Variants in ABCA1 observed in about 807,000 individuals in gnomAD.
ABCA1 encodes ATP binding cassette subfamily A member 1, also known as phospholipid-transporting ATPase ABCA1.
A neutral mutation model predicts 262.5 loss-of-function variants in ABCA1; 133 were observed. That is an observed-to-expected ratio of 0.51 (90% CI 0.44 to 0.59). ABCA1 has a LOEUF of 0.59. Among genes scored for constraint, ABCA1 ranks in the 20% least tolerant of loss-of-function variants. ABCA1 has a pLI of 0.00. For missense variants in ABCA1, 2,452 were observed against 2,777.5 expected (o/e 0.88, Z 2.63); for synonymous variants, 1,022 against 1,043.5 (o/e 0.98, Z 0.40).
rs779927521 is a variant in ABCA1 at position 104,794,444 on chromosome 9, G to A, written c.5449C>T (p.Arg1817Ter). Residue 1817 changes from arginine to a stop codon, truncating the protein, a stop_gained, in exon 40 of 50, where the codon CGA (arginine) becomes TGA (stop). Coordinates refer to ENST00000374736, the MANE Select transcript of ABCA1 (RefSeq NM_005502.4). LOFTEE classifies it high-confidence loss of function. ...FLIFPHFCLG[R>*]GLIDMVKNQA... ...TTTTTCACCATGTCGATGAGCCCTC[G>A]TCCCAGGCAAAAATGTGGGAAGATC... is the stretch of plus-strand genomic sequence containing the variant. 3.7e-6 allele frequency: 6 copies of A among 1,602,350 alleles called. No individual in the cohort carries two copies. Among genetic ancestry groups the A allele is most frequent in the Admixed American group, 1.7e-5 (1 of 58,908 alleles).
At chr9:104,812,499 T>C in intron 28 of ABCA1, 75 bp downstream of exon 28, 1 of 1,588,540 alleles carries the variant, frequency 6.3e-7, no homozygotes, top group Non-Finnish European at 8.6e-7. Context: ...CAGGATGCTA[T>C]CCTGCCTTCA....
chr9:104,844,131 C>T (rs1834646187), intron 8 of ABCA1, among the ~76,000 whole-genome samples: 1 of 151,870 alleles, frequency 6.6e-6, no homozygotes, highest in African/African-American at 2.4e-5. Context: ...TTTGCTTTCT[C>T]TAAGGCCAGA....
chr9:104,911,013 T>C lies in ABCA1; in HGVS notation c.-92-7242A>G, dbSNP rs141697343. ...TGAGCTACCATGCCCGGCCTCAGTA[T>C]CTCTCTTGATGAGGTTGCTTCTAGA... On this transcript the variant is annotated intron_variant, in intron 1 of 49. Transcript: ENST00000374736. 7.1e-3 allele frequency among the ~76,000 whole-genome samples: 1,078 copies of C among 152,288 alleles called. 9 individuals are homozygous for C. The highest frequency in any genetic ancestry group is 0.014 in the South Asian group (70 of 4,828).
chr9:104,818,949 C>T, intron 22 of ABCA1, 66 bp from the exon 23 acceptor site: 1 of 1,432,346 alleles, frequency 7.0e-7, no homozygotes, highest in Non-Finnish European at 9.7e-7. Context: ...GTCACAGTGA[C>T]AGGGACTAGA....
chr9:104,920,652 C>T (rs547985667), intron 1 of ABCA1, among the ~76,000 whole-genome samples: 1 of 152,244 alleles, frequency 6.6e-6, no homozygotes, highest in Admixed American at 6.5e-5. Flanking sequence ...GCTGGGATTA[C>T]AGGCTTGCAC....
Position 104,839,270 on chromosome 9 carries a change from ATGTC to A in ABCA1, c.1054+1005_1054+1008del, listed in dbSNP as rs561524548. On this transcript the variant is annotated intron_variant, in intron 9 of 49. Transcript: ENST00000374736. ...GAATGGGAAACAAAGGGCAGATCAA[ATGTC>A]TGAGTGTGAGAACACACACGCCACC... is the stretch of plus-strand genomic sequence containing the variant. Among the ~76,000 whole-genome samples, 11 of 152,262 alleles carry A rather than the reference ATGTC, an allele frequency of 7.2e-5. No homozygotes were observed. The South Asian group carries it at 2.3e-3, about 32-fold the overall frequency.
chr9:104,924,860 G>C (rs909705174), intron 1 of ABCA1, among the ~76,000 whole-genome samples: 7 of 152,026 alleles, frequency 4.6e-5, no homozygotes, highest in Non-Finnish European at 1.0e-4. Context: ...AATTTAAATG[G>C]AAAAATATCC....
intron 2 of ABCA1, among the ~76,000 whole-genome samples, chr9:104,895,443 C>T (rs1840108638): frequency 6.6e-6 from 1 of 150,730 alleles, no homozygotes; most frequent in Admixed American, 6.6e-5. Flanking sequence ...AATATCAGCA[C>T]ATACATTCCC....
rs762280176 is a variant in ABCA1 at position 104,837,072 on chromosome 9, C to G, written c.1219G>C (p.Ala407Pro). Residue 407 changes from alanine to proline, a missense_variant, in exon 11 of 50, where the codon GCT (alanine) becomes CCT (proline). Coordinates refer to ENST00000374736, the MANE Select transcript of ABCA1 (RefSeq NM_005502.4). ...ATGCCTTCCAGATCATGGAACACAG[C>G]CAGTTCCTGGAAGGTCTTGTTCACC... ...AEVNKTFQEL[A>P]VFHDLEGMWE... 1.2e-6 allele frequency: 2 copies of G among 1,613,708 alleles called. No homozygotes were observed. Among genetic ancestry groups the G allele is most frequent in the South Asian group, 1.1e-5 (1 of 91,050 alleles).
At position 104,816,337 on chromosome 9, in the gene ABCA1, C is replaced by T. The variant is rs143180998; in HGVS notation, c.3544G>A (p.Ala1182Thr). The change falls in exon 25 of 50, where the codon GCT becomes ACT. Residue 1182 changes from alanine (A) to threonine (T), a missense_variant. Coordinates refer to ENST00000374736, the MANE Select transcript of ABCA1 (RefSeq NM_005502.4). ...ESDTLTIDVS[A>T]ISNLIRKHVS... ...TGCTTCCTGATGAGGTTGGAGATAG[C>T]AGAGACATCTGCAGGGACCAGAATG... The T allele has an allele frequency of 8.5e-4, 1,379 of 1,613,722 alleles. No homozygotes were observed. Among genetic ancestry groups the T allele is most frequent in the Non-Finnish European group, 1.1e-3 (1,260 of 1,179,992 alleles).
At chr9:104,820,189 C>CT in intron 20 of ABCA1, 120 bp from the exon 21 acceptor site, 2 of 1,280,348 alleles carry the variant, frequency 1.6e-6, no homozygotes, top group Non-Finnish European at 1.1e-6. Context: ...TTTAAAATAA[C>CT]TTTATCAATT....
At position 104,784,342 on chromosome 9, in the gene ABCA1, A is replaced by G; in HGVS notation, c.6759T>C (p.Asp2253=). Residue 2253 remains aspartate (D), a synonymous_variant, in exon 50 of 50, where the codon GAT becomes GAC. Transcript: ENST00000374736. ...ATACATAGCTTTCTTTCACTTTCTC[A>G]TCCTGTAGAAAAGATGTGAGAACTG... ...DVAVLTSFLQ[D]EKVKESYV 2 of 1,614,020 alleles carry G rather than the reference A, an allele frequency of 1.2e-6. No individual in the cohort carries two copies. The highest frequency in any genetic ancestry group is 1.7e-6 in the Non-Finnish European group (2 of 1,179,986).
chr9:104,813,972 T>C, intron 27 of ABCA1, 146 bp downstream of exon 27: 2 of 786,392 alleles, frequency 2.5e-6, no homozygotes, highest in Non-Finnish European at 4.3e-6. Context: ...AAAGAACAAG[T>C]GGCTTTTACC....
intron 9 of ABCA1, among the ~76,000 whole-genome samples, chr9:104,839,525 T>TTGC (rs1415411605): frequency 6.6e-6 from 1 of 152,094 alleles, no homozygotes; most frequent in African/African-American, 2.4e-5. Context: ...TAGTTCTTTG[T>TTGC]TGTTGTTGTT....
chr9:104,794,203 TG>T (rs2118868452), intron 40 of ABCA1, among the ~76,000 whole-genome samples, 183 bp downstream of exon 40: 1 of 152,296 alleles, frequency 6.6e-6, no homozygotes, highest in Admixed American at 6.5e-5. Context: ...CACAGACAAA[TG>T]GTTGTGTCAC....
chr9:104,835,237 G>C (rs1833705457), intron 11 of ABCA1, among the ~76,000 whole-genome samples: 2 of 140,146 alleles, frequency 1.4e-5, no homozygotes, highest in East Asian at 5.2e-4. Flanking sequence ...GACAGAGCAA[G>C]ACTCTGTCCA....
chr9:104,896,214 A>C (rs989170576), intron 2 of ABCA1, among the ~76,000 whole-genome samples: 19 of 152,230 alleles, frequency 1.2e-4, no homozygotes, highest in African/African-American at 4.6e-4. Context: ...CATTGCTATT[A>C]GTCTCTGAAA....
intron 7 of ABCA1, among the ~76,000 whole-genome samples, chr9:104,846,434 A>G (rs1834890700): frequency 6.6e-6 from 1 of 152,248 alleles, no homozygotes; most frequent in Non-Finnish European, 1.5e-5. Flanking sequence ...CATATCAGAC[A>G]TCTCTGAAGT....
intron 5 of ABCA1, among the ~76,000 whole-genome samples, chr9:104,868,093 T>TA (rs1837248308): frequency 6.6e-6 from 1 of 152,038 alleles, no homozygotes; most frequent in Admixed American, 6.6e-5. Context: ...TCCTTGGATA[T>TA]AAAATGGGGC....
Sources: allele counts gnomAD v4.1 joint callset (sites outside exome capture counted in the v4.1 genomes callset), GRCh38; gene constraint gnomAD v4.1.1; transcripts MANE v1.5; gene names NCBI Gene and HGNC (gene_info 2026-07-23, HGNC 2026-07-21).